Variants in CAT observed in about 807,000 individuals in gnomAD.
CAT encodes catalase.
In CAT, 43 loss-of-function variants were observed where a neutral mutation model predicts 59.0. The observed-to-expected ratio is 0.73, with a 90% CI of 0.57 to 0.94. CAT has a LOEUF of 0.94. CAT is among the 40% of genes least tolerant of loss of function. The probability of loss-of-function intolerance (pLI) is 0.00; values close to 1 mark genes in which losing one functional copy is unlikely to be tolerated. For missense variants in CAT, 664 were observed against 682.9 expected (o/e 0.97, Z 0.31); for synonymous variants, 218 against 230.9 (o/e 0.94, Z 0.51).
At chr11:34,443,828 ATGTTACACTGCTAACATT>A (rs1362540194) in intron 1 of CAT, among the ~76,000 whole-genome samples, 1 of 152,054 alleles carries the variant, frequency 6.6e-6, no homozygotes, top group Admixed American at 6.6e-5. Context: ...AACTGCATTG[ATGTTACACTGCTAACATT>A]TGGGATGGAG....
chr11:34,449,225 C>T lies in CAT; in HGVS notation c.100C>T (p.Pro34Ser). The change falls in exon 2 of 13, where the codon CCA becomes TCA. Residue 34 changes from proline (P) to serine (S), a missense_variant. Transcript: ENST00000241052. The stretch of plus-strand genomic sequence containing the variant: ...TGTCCTGACCACTGGAGCTGGTAAC[C>T]CAGTAGGAGACAAACTTAATGTTAT... Reference protein sequence around the residue: ...ADVLTTGAGNPVGDKLNVITV... With the variant: ...ADVLTTGAGNSVGDKLNVITV... The T allele has an allele frequency of 6.2e-7, 1 of 1,614,128 alleles. No homozygotes were observed. The highest frequency in any genetic ancestry group is 8.5e-7 in the Non-Finnish European group (1 of 1,179,990).
rs377526172 is a variant in CAT at position 34,468,966 on chromosome 11, T to C, written c.1434+571T>C. Among the ~76,000 whole-genome samples, 7 of 152,238 alleles carry C rather than the reference T, an allele frequency of 4.6e-5. No homozygotes were observed. The South Asian group carries it at 1.0e-3, about 23-fold the overall frequency. ...CCTGCCTAAAGGCTTAATGTCATAA[T>C]ACCTCGATCCTCCTTCAGATGCAGA... On this transcript the variant is annotated intron_variant, in intron 11 of 12. Coordinates refer to ENST00000241052, the MANE Select transcript of CAT (RefSeq NM_001752.4).
intron 12 of CAT, 26 bp downstream of exon 12, chr11:34,471,067 C>T (rs1856768110): frequency 6.3e-7 from 1 of 1,589,126 alleles, no homozygotes; most frequent in Non-Finnish European, 8.6e-7. Flanking sequence ...CCTGGCCATG[C>T]AGAGGCTGTG....
At chr11:34,440,711 C>T (rs1856379022) in intron 1 of CAT, among the ~76,000 whole-genome samples, 1 of 151,850 alleles carries the variant, frequency 6.6e-6, no homozygotes, top group Non-Finnish European at 1.5e-5. Flanking sequence ...TACAGGTGTC[C>T]ACCACCACAC....
rs780155754 is a variant in CAT, at chr11:34,464,110, G to A, written c.1201G>A (p.Ala401Thr). 20 of 1,614,108 alleles carry A rather than the reference G, an allele frequency of 1.2e-5. No homozygotes were observed. In the South Asian group the frequency reaches 1.6e-4, roughly 13 times the overall value. ...TGGGTGGTTTTGTTTTGAAGGTGGT[G>A]CTCCAAATTACTACCCCAACAGCTT... Reference protein sequence around the residue: ...PMCMQDNQGGAPNYYPNSFGA... With the variant: ...PMCMQDNQGGTPNYYPNSFGA... The change falls in exon 10 of 13, where the codon GCT (alanine) becomes ACT (threonine). Residue 401 changes from alanine (A) to threonine (T), a missense_variant. Ala to Thr is a moderately conservative substitution (Grantham distance 58). Coordinates refer to ENST00000241052, the MANE Select transcript of CAT (RefSeq NM_001752.4).
rs777127586 is a variant in CAT, at chr11:34,456,763, C to T, written c.1002C>T (p.Phe334=). 6.2e-6 allele frequency: 10 copies of T among 1,614,070 alleles called. No individual in the cohort carries two copies. In the East Asian group the frequency reaches 6.7e-5, roughly 11 times the overall value. ...NYFAEVEQIA[F]DPSNMPPGIE... Reference sequence around the variant, plus strand: ...TTGCTGAGGTTGAACAGATAGCCTTCGACCCAAGCAACATGCCACCTGGCA... The same window carrying T: ...TTGCTGAGGTTGAACAGATAGCCTTTGACCCAAGCAACATGCCACCTGGCA... The change falls in exon 8 of 13, where the codon TTC becomes TTT. Residue 334 remains phenylalanine (F), a synonymous_variant. Transcript: ENST00000241052.
At chr11:34,454,136 C>T (rs1433640469) in intron 6 of CAT, among the ~76,000 whole-genome samples, 4 of 152,178 alleles carry the variant, frequency 2.6e-5, no homozygotes, top group African/African-American at 9.7e-5. Flanking sequence ...TTATCACTTC[C>T]AACATCCAAT....
intron 8 of CAT, among the ~76,000 whole-genome samples, chr11:34,457,739 A>T (rs797011521): frequency 5.1e-4 from 78 of 152,318 alleles, no homozygotes; most frequent in African/African-American, 1.7e-3. Flanking sequence ...TAATTGGCTT[A>T]ATAATTACTG....
chr11:34,444,521 G>A (rs1856427201), intron 1 of CAT, among the ~76,000 whole-genome samples: 1 of 152,242 alleles, frequency 6.6e-6, no homozygotes, highest in South Asian at 2.1e-4. Context: ...TACGTTGTAG[G>A]CACTTGAATC....
chr11:34,461,069 A>G (rs1856644058), intron 8 of CAT, 182 bp from the exon 9 acceptor site: 7 of 726,972 alleles, frequency 9.6e-6, no homozygotes, highest in Non-Finnish European at 1.7e-5. Context: ...AGAACTGTTC[A>G]GTTAGGGAGA....
At chr11:34,459,082 C>T (rs1363486430) in intron 8 of CAT, among the ~76,000 whole-genome samples, 1 of 151,972 alleles carries the variant, frequency 6.6e-6, no homozygotes, top group Non-Finnish European at 1.5e-5. Context: ...TGTTTCTAGC[C>T]TAGCTTTCCC....
chr11:34,441,058 T>G (rs1404153618), intron 1 of CAT, among the ~76,000 whole-genome samples: 2 of 152,224 alleles, frequency 1.3e-5, no homozygotes, highest in Non-Finnish European at 2.9e-5. Flanking sequence ...CAGGGCACTG[T>G]GTACATCGTC....
At position 34,439,093 on chromosome 11, in the gene CAT, T is replaced by A; in HGVS notation, c.66+14T>A. ...CGGGCCGCGCAGGTACACTCTGTGC[T>A]CCCCGAGCGGGCCCGAAGGTCCGTT... On this transcript the variant is annotated intron_variant, in intron 1 of 12. Coordinates refer to ENST00000241052, the MANE Select transcript of CAT (RefSeq NM_001752.4). The A allele has an allele frequency of 6.3e-7, 1 of 1,576,284 alleles. No homozygotes were observed. The highest frequency in any genetic ancestry group is 8.6e-7 in the Non-Finnish European group (1 of 1,160,832).
intron 1 of CAT, among the ~76,000 whole-genome samples, chr11:34,444,095 GT>G (rs1210087819): frequency 6.6e-6 from 1 of 152,148 alleles, no homozygotes; most frequent in Admixed American, 6.5e-5. Flanking sequence ...GACAAATCAA[GT>G]TTCTCAGAAA....
intron 8 of CAT, chr11:34,457,057 A>G (rs1856599082): frequency 1.9e-6 from 1 of 539,972 alleles, no homozygotes; most frequent in Admixed American, 3.3e-5. Context: ...TGTGAAGACA[A>G]GAATACTTAC....
chr11:34,449,392 A>G, intron 2 of CAT, 29 bp downstream of exon 2: 1 of 1,599,906 alleles, frequency 6.3e-7, no homozygotes, highest in Non-Finnish European at 8.6e-7. Context: ...TGCTGTAAAA[A>G]GATTGTTTCA....
Position 34,471,061 on chromosome 11 carries a change from G to C in CAT, c.1518+20G>C. 3 of 1,600,706 alleles carry C rather than the reference G, an allele frequency of 1.9e-6. No individual in the cohort carries two copies. The highest frequency in any genetic ancestry group is 2.6e-6 in the Non-Finnish European group (3 of 1,167,716). ...CCTAAGGTAAGCTGGGAGCAGCCTG[G>C]CCATGCAGAGGCTGTGTGTGCTGGG... On this transcript the variant is annotated intron_variant, in intron 12 of 12. Coordinates refer to ENST00000241052, the MANE Select transcript of CAT (RefSeq NM_001752.4).
chr11:34,464,101 G>A lies in CAT; in HGVS notation c.1196-4G>A. The A allele has an allele frequency of 6.2e-7, 1 of 1,614,096 alleles. No homozygotes were observed. The highest frequency in any genetic ancestry group is 1.1e-5 in the South Asian group (1 of 91,068). ...AAGTGCATCTGGGTGGTTTTGTTTTGAAGGTGGTGCTCCAAATTACTACCC... is the reference window on the plus strand; with the variant it reads ...AAGTGCATCTGGGTGGTTTTGTTTTAAAGGTGGTGCTCCAAATTACTACCC... On this transcript the variant is annotated splice_polypyrimidine_tract_variant and splice_region_variant and intron_variant, in intron 9 of 12. Transcript: ENST00000241052.
chr11:34,446,697 G>C (rs1201779552), intron 1 of CAT, among the ~76,000 whole-genome samples: 1 of 151,918 alleles, frequency 6.6e-6, no homozygotes, highest in African/African-American at 2.4e-5. Context: ...CTTTTACTGA[G>C]CTTCTTGGTA....
Sources: gnomAD v4.1 joint callset for allele counts (sites outside exome capture counted in the v4.1 genomes callset) on GRCh38, gnomAD v4.1.1 for gene constraint, MANE v1.5 for transcripts, NCBI Gene and HGNC (gene_info 2026-07-23, HGNC 2026-07-21) for gene names.